CD44: variants seen among roughly 807,000 people sequenced by gnomAD.
The protein encoded by CD44 is CD44 antigen.
In CD44, 49 loss-of-function variants were observed where a neutral mutation model predicts 88.8. The ratio of observed to expected loss-of-function variants is 0.55; its 90% CI spans 0.44 to 0.70. CD44 has a LOEUF of 0.70. CD44 is among the 30% of genes least tolerant of loss of function. CD44 has a pLI of 0.00. For missense variants in CD44, 883 were observed against 913.8 expected, an observed-to-expected ratio of 0.97 and a Z score of 0.43; for synonymous variants, 325 against 312.3, an observed-to-expected ratio of 1.04 and a Z score of -0.43.
chr11:35,199,942 T>G (rs1019435175), intron 7 of CD44, among the ~76,000 whole-genome samples: 7 of 146,782 alleles, frequency 4.8e-5, no homozygotes, highest in Non-Finnish European at 8.9e-5. Flanking sequence ...TTGTTTTTTT[T>G]TTTTTTTTTT....
In CD44 at chr11:35,192,727, G is replaced by A. The variant is rs1946382071; in HGVS notation, c.667+2662G>A. 2.0e-5 allele frequency among the ~76,000 whole-genome samples: 3 copies of A among 151,618 alleles called. No individual in the cohort carries two copies. The South Asian group carries it at 6.3e-4, about 32-fold the overall frequency. On this transcript the variant is annotated intron_variant, in intron 5 of 17. Coordinates refer to ENST00000428726, the MANE Select transcript of CD44 (RefSeq NM_000610.4). ...GATCAAGAAACCTAAACTAATTCAGGAAGCAGACTCCTGCCTTGGAACACT... is the reference window on the plus strand; with the variant it reads ...GATCAAGAAACCTAAACTAATTCAGAAAGCAGACTCCTGCCTTGGAACACT...
chr11:35,140,663 T>C (rs1214154103), intron 1 of CD44, among the ~76,000 whole-genome samples: 2 of 152,144 alleles, frequency 1.3e-5, no homozygotes, highest in South Asian at 2.1e-4. Context: ...GAGAGGTCTT[T>C]GCTAGGTGGG....
chr11:35,217,508 C>G (rs767300468), intron 15 of CD44, among the ~76,000 whole-genome samples: 7 of 152,060 alleles, frequency 4.6e-5, no homozygotes, highest in Non-Finnish European at 5.9e-5. Context: ...AGGGAAAGGG[C>G]CTTGGACTGT....
At chr11:35,148,154 C>T (rs764269399) in intron 1 of CD44, among the ~76,000 whole-genome samples, 5 of 152,074 alleles carry the variant, frequency 3.3e-5, no homozygotes, top group African/African-American at 4.8e-5. Context: ...TGGTCTCCTG[C>T]GTTTGGCTTA....
intron 1 of CD44, among the ~76,000 whole-genome samples, chr11:35,144,049 C>G (rs1020609699): frequency 5.3e-5 from 8 of 152,184 alleles, no homozygotes; most frequent in Non-Finnish European, 1.2e-4. Context: ...TGACATGGGT[C>G]TTGAACTGAA....
At chr11:35,170,687 G>C (rs1040817278) in intron 1 of CD44, among the ~76,000 whole-genome samples, 2 of 152,222 alleles carry the variant, frequency 1.3e-5, no homozygotes, top group Non-Finnish European at 2.9e-5. Flanking sequence ...AGCCAGAAAG[G>C]CTTGTTTGAG....
intron 1 of CD44, among the ~76,000 whole-genome samples, chr11:35,162,552 A>G (rs1420698835): frequency 6.6e-6 from 1 of 152,194 alleles, no homozygotes; most frequent in Admixed American, 6.5e-5. Context: ...TGGATTTAAA[A>G]GCTTGTCAGA....
At position 35,177,202 on chromosome 11, in the gene CD44, CTA is replaced by C. The variant is rs3838797; in HGVS notation, c.233+464_233+465del. ...AAAAAAATTTTTTTTGGTTTCTCTTCTATGTTTCTCTGGTTTGAAAAAGTAAA... is the reference window on the plus strand; with the variant it reads ...AAAAAAATTTTTTTTGGTTTCTCTTCTGTTTCTCTGGTTTGAAAAAGTAAA... On this transcript the variant is annotated intron_variant, in intron 2 of 17. Transcript: ENST00000428726. 639 of 152,572 alleles carry C rather than the reference CTA, an allele frequency of 4.2e-3. 16 individuals are homozygous for C. Among genetic ancestry groups the C allele is most frequent in the East Asian group, 0.041 (214 of 5,188 alleles). 9.5% of individuals were successfully genotyped at this position (152,572 alleles called of 1,614,324 possible).
chr11:35,185,186 G>T (rs964052681), intron 3 of CD44, among the ~76,000 whole-genome samples: 1 of 152,146 alleles, frequency 6.6e-6, no homozygotes, highest in Non-Finnish European at 1.5e-5. Flanking sequence ...TGACAGGTGT[G>T]GGGGAGTGAT....
chr11:35,165,687 A>G (rs1943181173), intron 1 of CD44, among the ~76,000 whole-genome samples: 1 of 152,272 alleles, frequency 6.6e-6, no homozygotes, highest in East Asian at 1.9e-4. Context: ...CCAAAATTTC[A>G]TAACTTTTTA....
In CD44 at chr11:35,200,968, A is replaced by G. The variant is rs1416755735; in HGVS notation, c.923-114A>G. 1.5e-5 allele frequency: 12 copies of G among 788,672 alleles called. No homozygotes were observed. In the Admixed American group the frequency reaches 1.6e-4, roughly 11 times the overall value. The allele number at this position is 788,672 out of a possible 1,614,324, so 48.9% of individuals were successfully genotyped here. A position where few individuals can be genotyped will look rare whatever the true frequency, so the allele number is the denominator to read the frequency against. Reference sequence around the variant, plus strand: ...CCATTTCCATGCAGCCATCTATACAACCTGGTATAGATGATTCATTGCATA... The same window carrying G: ...CCATTTCCATGCAGCCATCTATACAGCCTGGTATAGATGATTCATTGCATA... On this transcript the variant is annotated intron_variant, in intron 7 of 17. Transcript: ENST00000428726.
chr11:35,220,761 G>GTCTT (rs1317530610), intron 16 of CD44, among the ~76,000 whole-genome samples: 8 of 137,932 alleles, frequency 5.8e-5, no homozygotes, highest in African/African-American at 2.2e-4. Context: ...TTTAATATAC[G>GTCTT]TCTTTTTTTT....
At chr11:35,152,775 T>C (rs933586099) in intron 1 of CD44, among the ~76,000 whole-genome samples, 2 of 152,192 alleles carry the variant, frequency 1.3e-5, no homozygotes, top group African/African-American at 4.8e-5. Flanking sequence ...TTCTTGGTTG[T>C]GCCACTTCCT....
In CD44 at chr11:35,221,626, C is replaced by T. The variant is rs747289656; in HGVS notation, c.1946-28C>T. 1.5e-4 allele frequency: 245 copies of T among 1,584,992 alleles called. 1 individual carries two copies. Among genetic ancestry groups the T allele is most frequent in the Non-Finnish European group, 2.0e-4 (226 of 1,153,550 alleles). On this transcript the variant is annotated intron_variant, in intron 16 of 17. Coordinates refer to ENST00000428726, the MANE Select transcript of CD44 (RefSeq NM_000610.4). ...TTACAAAGTGTGTCTCTGAAGCTCA[C>T]GCATGTCATTTAATTTACTCATACC... is the stretch of plus-strand genomic sequence containing the variant.
In CD44 at chr11:35,139,241, C is replaced by G. The variant is rs1041998106; in HGVS notation, c.-63C>G. On this transcript the variant is annotated 5_prime_UTR_variant, in exon 1 of 18. Coordinates refer to ENST00000428726, the MANE Select transcript of CD44 (RefSeq NM_000610.4). ...TCCTCGTCCCGTCCTCCGCCGGCCC[C>G]TGCCCCGCGCCCAGGGATCCTCCAG... 2 of 1,381,342 alleles carry G rather than the reference C, an allele frequency of 1.4e-6. No homozygotes were observed. Among genetic ancestry groups the G allele is most frequent in the Non-Finnish European group, 2.0e-6 (2 of 992,470 alleles). 85.6% of individuals were successfully genotyped at this position (1,381,342 alleles called of 1,614,324 possible).
intron 1 of CD44, chr11:35,139,659 G>T: frequency 2.9e-6 from 2 of 686,896 alleles, no homozygotes; most frequent in South Asian, 2.8e-5. Context: ...GCACATGGCA[G>T]AAAGTAACCG....
intron 5 of CD44, among the ~76,000 whole-genome samples, chr11:35,192,504 G>T (rs781383120): frequency 9.2e-5 from 14 of 152,298 alleles, no homozygotes; most frequent in Non-Finnish European, 1.6e-4. Context: ...GGAGGGCAGG[G>T]GTCAAGAGGA....
Position 35,230,646 on chromosome 11 carries a change from A to C in CD44, c.*1313A>C, listed in dbSNP as rs895495811. The C allele has an allele frequency of 3.3e-5, 5 of 152,230 alleles. No individual in the cohort carries two copies. The highest frequency in any genetic ancestry group is 6.5e-5 in the Admixed American group (1 of 15,280). The allele number at this position is 152,230 out of a possible 1,614,324, so 9.4% of individuals were successfully genotyped here. On this transcript the variant is annotated 3_prime_UTR_variant, in exon 18 of 18. Coordinates refer to ENST00000428726, the MANE Select transcript of CD44 (RefSeq NM_000610.4). ...CCCTCAAAAGGTTAAAGGGATTCCCATCATTGGAATCTTATCACCAGATAG... is the reference window on the plus strand; with the variant it reads ...CCCTCAAAAGGTTAAAGGGATTCCCCTCATTGGAATCTTATCACCAGATAG...
intron 1 of CD44, among the ~76,000 whole-genome samples, chr11:35,152,581 A>T (rs1344565058): frequency 6.6e-6 from 1 of 152,218 alleles, no homozygotes; most frequent in Admixed American, 6.5e-5. Flanking sequence ...TTGTGCTAGT[A>T]GGCAGAAACA....
Sources: gnomAD v4.1 joint callset for allele counts (sites outside exome capture counted in the v4.1 genomes callset) on GRCh38, gnomAD v4.1.1 for gene constraint, MANE v1.5 for transcripts, NCBI Gene and HGNC (gene_info 2026-07-23, HGNC 2026-07-21) for gene names.